Variants in PCDHGA10 observed in about 807,000 individuals in gnomAD.
PCDHGA10 encodes the protein protocadherin gamma subfamily A, 10.
PCDHGA10 carries 42 observed loss-of-function variants against 59.5 expected under a neutral mutation model. The ratio of observed to expected loss-of-function variants is 0.71; its 90% CI spans 0.55 to 0.91. The LOEUF (loss-of-function observed/expected upper bound fraction) is 0.91, where lower values mean the gene tolerates loss of function less well. Ranked by LOEUF, PCDHGA10 falls within the 40% of genes least tolerant of loss-of-function variation. PCDHGA10 has a pLI of 0.00. For missense variants in PCDHGA10, 1,111 were observed against 1,198.2 expected (o/e 0.93, Z 1.07); for synonymous variants, 511 against 517.2 (o/e 0.99, Z 0.16).
chr5:141,486,089 G>T lies in PCDHGA10; in HGVS notation c.2437-8718G>T, dbSNP rs2099624123. On this transcript the variant is annotated intron_variant, in intron 1 of 3. Coordinates refer to ENST00000398610, the MANE Select transcript of PCDHGA10 (RefSeq NM_018913.3). The surrounding 1 kb of genome is among the most constrained non-coding windows in gnomAD (Gnocchi z 5.0). ...CACTACTGGAAAGCTTACTCTTTTG[G>T]GGCCCCTAGACTTTGAGAGTGAGAA... is the stretch of plus-strand genomic sequence containing the variant. 1 of 1,614,084 alleles carries T rather than the reference G, an allele frequency of 6.2e-7. No individual in the cohort carries two copies. The highest frequency in any genetic ancestry group is 8.5e-7 in the Non-Finnish European group (1 of 1,180,014).
intron 1 of PCDHGA10, among the ~76,000 whole-genome samples, chr5:141,470,537 A>G (rs189730495): frequency 1.3e-5 from 2 of 152,256 alleles, no homozygotes; most frequent in Non-Finnish European, 2.9e-5. Context: ...TGTATCAGGT[A>G]ATATTTATTG....
In PCDHGA10 at chr5:141,454,796, ATTTTT is replaced by A. The variant is rs61612330; in HGVS notation, c.2436+39210_2436+39214del. Among the ~76,000 whole-genome samples the A allele has an allele frequency of 4.9e-3, 378 of 77,354 alleles. 2 individuals carry two copies. Among genetic ancestry groups the A allele is most frequent in the Admixed American group, 9.2e-3 (51 of 5,544 alleles). 50.7% of individuals were successfully genotyped at this position (77,354 alleles called of 152,430 possible). On this transcript the variant is annotated intron_variant, in intron 1 of 3. Coordinates refer to ENST00000398610, the MANE Select transcript of PCDHGA10 (RefSeq NM_018913.3). ...AAGGAAATAATCCTCCATGGTTCTA[ATTTTT>A]TTTTTTTTTTTTTTTTTTTTTTTTG...
chr5:141,482,071 A>G (rs2099551527), intron 1 of PCDHGA10, among the ~76,000 whole-genome samples: 1 of 145,394 alleles, frequency 6.9e-6, no homozygotes, highest in Non-Finnish European at 1.5e-5. Flanking sequence ...GGCAACAAGA[A>G]CAAAACTCAC....
intron 2 of PCDHGA10, among the ~76,000 whole-genome samples, chr5:141,498,847 C>T (rs932801278): frequency 1.3e-5 from 2 of 151,856 alleles, no homozygotes; most frequent in Admixed American, 1.3e-4. Flanking sequence ...GCAGGGGAAT[C>T]GCTTGAACCC....
intron 1 of PCDHGA10, chr5:141,478,144 G>A (rs2099432883): frequency 6.2e-7 from 1 of 1,613,918 alleles, no homozygotes; most frequent in Non-Finnish European, 8.5e-7. Flanking sequence ...CCCGAGCCGA[G>A]TTCCCCTCTG....
intron 3 of PCDHGA10, among the ~76,000 whole-genome samples, chr5:141,510,518 GC>G (rs2099881500): frequency 6.6e-6 from 1 of 152,112 alleles, no homozygotes; most frequent in Non-Finnish European, 1.5e-5. Context: ...CCGTGTCACA[GC>G]CCTGAGAGAA....
At position 141,476,015 on chromosome 5, in the gene PCDHGA10, C is replaced by A; in HGVS notation, c.2437-18792C>A. The A allele has an allele frequency of 7.4e-7, 1 of 1,344,728 alleles. No individual in the cohort carries two copies. The highest frequency in any genetic ancestry group is 1.0e-6 in the Non-Finnish European group (1 of 992,700). The allele number at this position is 1,344,728 out of a possible 1,614,324, so 83.3% of individuals were successfully genotyped here. A position where few individuals can be genotyped will look rare whatever the true frequency, so the allele number is the denominator to read the frequency against. ...ATCAACGGCATCCAGAAAGCCATGT[C>A]GGACTCGGCGCCCAGCGCCCAAGCG... On this transcript the variant is annotated intron_variant, in intron 1 of 3. Coordinates refer to ENST00000398610, the MANE Select transcript of PCDHGA10 (RefSeq NM_018913.3). This position sits in a 1 kb window ranked among gnomAD's most constrained non-coding sequence, Gnocchi z 7.6.
In PCDHGA10 at chr5:141,476,141, G is replaced by A. The variant is rs1011341002; in HGVS notation, c.2437-18666G>A. On this transcript the variant is annotated intron_variant, in intron 1 of 3. Coordinates refer to ENST00000398610, the MANE Select transcript of PCDHGA10 (RefSeq NM_018913.3). This position sits in a 1 kb window ranked among gnomAD's most constrained non-coding sequence, Gnocchi z 7.6. ...GATGGTCCCAGAGGCCTGGAGGAGCGGACTGGTAAGCACCGGGAGGGTAGT... is the reference window on the plus strand; with the variant it reads ...GATGGTCCCAGAGGCCTGGAGGAGCAGACTGGTAAGCACCGGGAGGGTAGT... 5.6e-6 allele frequency: 9 copies of A among 1,609,928 alleles called. No homozygotes were observed. Among genetic ancestry groups the A allele is most frequent in the Non-Finnish European group, 7.6e-6 (9 of 1,178,880 alleles).
At position 141,477,210 on chromosome 5, in the gene PCDHGA10, C is replaced by A. The variant is rs780852225; in HGVS notation, c.2437-17597C>A. On this transcript the variant is annotated intron_variant, in intron 1 of 3. Transcript: ENST00000398610. This position sits in a 1 kb window ranked among gnomAD's most constrained non-coding sequence, Gnocchi z 4.9. ...GTGTACAGCCCAGTACCCGAGGATG[C>A]CCCTCTGGGGACTGTCATCGCTTTG... The A allele has an allele frequency of 6.2e-7, 1 of 1,614,142 alleles. No homozygotes were observed. The highest frequency in any genetic ancestry group is 8.5e-7 in the Non-Finnish European group (1 of 1,180,030).
chr5:141,413,012 A>T lies in PCDHGA10; in HGVS notation c.-164A>T. The T allele has an allele frequency of 1.5e-6, 1 of 657,714 alleles. No individual in the cohort carries two copies. The highest frequency in any genetic ancestry group is 2.5e-6 in the Non-Finnish European group (1 of 403,464). The allele number at this position is 657,714 out of a possible 1,614,324, so 40.7% of individuals were successfully genotyped here. On this transcript the variant is annotated 5_prime_UTR_variant, in exon 1 of 4. Transcript: ENST00000398610. The stretch of plus-strand genomic sequence containing the variant: ...AATCCGGATTCTCAGGGCTTCAACT[A>T]CACAAGCCCCACAAACCGGCTGCTG...
Position 141,490,909 on chromosome 5 carries a change from G to T in PCDHGA10, c.2437-3898G>T. 4 of 1,613,744 alleles carry T rather than the reference G, an allele frequency of 2.5e-6. No individual in the cohort carries two copies. Among genetic ancestry groups the T allele is most frequent in the Non-Finnish European group, 3.4e-6 (4 of 1,179,762 alleles). ...ATCTCTGCATGTGTTTGTCCTAGAC[G>T]AGAATGATAATGCCCCAGCTGTGCT... On this transcript the variant is annotated intron_variant, in intron 1 of 3. Transcript: ENST00000398610. The surrounding 1 kb of genome is among the most constrained non-coding windows in gnomAD (Gnocchi z 5.4).
intron 1 of PCDHGA10, among the ~76,000 whole-genome samples, chr5:141,424,839 A>G (rs1264853498): frequency 6.6e-6 from 1 of 152,198 alleles, no homozygotes; most frequent in Non-Finnish European, 1.5e-5. Context: ...CATACATGTT[A>G]TCTGAAGCAA....
At chr5:141,509,953 G>A (rs987910496) in intron 3 of PCDHGA10, among the ~76,000 whole-genome samples, 4 of 152,282 alleles carry the variant, frequency 2.6e-5, no homozygotes, top group Non-Finnish European at 4.4e-5. Context: ...AAATGCTACC[G>A]GGTATGGCCT....
At position 141,465,659 on chromosome 5, in the gene PCDHGA10, T is replaced by C. The variant is rs184749770; in HGVS notation, c.2437-29148T>C. Among the ~76,000 whole-genome samples the C allele has an allele frequency of 3.5e-4, 53 of 152,318 alleles. 1 individual carries two copies. Among genetic ancestry groups the C allele is most frequent in the African/African-American group, 1.2e-3 (50 of 41,576 alleles). ...TGCTTTGAACATCCCAAAAAAGCGC[T>C]TGCCATGACATTTGCTCTTGACCAG... On this transcript the variant is annotated intron_variant, in intron 1 of 3. Transcript: ENST00000398610.
intron 1 of PCDHGA10, chr5:141,427,786 C>G: frequency 1.4e-6 from 2 of 1,477,082 alleles, no homozygotes; most frequent in Non-Finnish European, 1.9e-6. Flanking sequence ...GCACTGTCGT[C>G]CTACGTGTCC....
At chr5:141,422,040 C>T (rs1045003805) in intron 1 of PCDHGA10, 10 of 1,611,324 alleles carry the variant, frequency 6.2e-6, no homozygotes, top group African/African-American at 4.0e-5. Context: ...CGGATCCAGA[C>T]GAGGGAATCA....
Position 141,490,732 on chromosome 5 carries a change from G to T in PCDHGA10, c.2437-4075G>T, listed in dbSNP as rs775388969. 4 of 1,614,188 alleles carry T rather than the reference G, an allele frequency of 2.5e-6. No individual in the cohort carries two copies. Among genetic ancestry groups the T allele is most frequent in the Non-Finnish European group, 3.4e-6 (4 of 1,180,042 alleles). ...CACCTACTCCATTGTAGGAAATCAGGTTCAGGGAGCCCCAGCCTCCTCCTT... is the reference window on the plus strand; with the variant it reads ...CACCTACTCCATTGTAGGAAATCAGTTTCAGGGAGCCCCAGCCTCCTCCTT... On this transcript the variant is annotated intron_variant, in intron 1 of 3. Transcript: ENST00000398610. The surrounding 1 kb of genome is among the most constrained non-coding windows in gnomAD (Gnocchi z 5.4).
At chr5:141,481,919 A>C (rs1488201177) in intron 1 of PCDHGA10, among the ~76,000 whole-genome samples, 1 of 151,214 alleles carries the variant, frequency 6.6e-6, no homozygotes, top group Non-Finnish European at 1.5e-5. Context: ...ATCTCAAAAA[A>C]AAAAAAAAAA....
In PCDHGA10 at chr5:141,476,650, A is replaced by G. The variant is rs2099395609; in HGVS notation, c.2437-18157A>G. 6.2e-7 allele frequency: 1 copy of G among 1,614,126 alleles called. No individual in the cohort carries two copies. The highest frequency in any genetic ancestry group is 1.3e-5 in the African/African-American group (1 of 74,952). On this transcript the variant is annotated intron_variant, in intron 1 of 3. Transcript: ENST00000398610. This position sits in a 1 kb window ranked among gnomAD's most constrained non-coding sequence, Gnocchi z 7.6. Reference sequence around the variant, plus strand: ...AAACCTATGAGCTGAGCCGAAATGAATACTTTGCGCTTCGCGTGCAGACGC... The same window carrying G: ...AAACCTATGAGCTGAGCCGAAATGAGTACTTTGCGCTTCGCGTGCAGACGC...
Sources: allele counts gnomAD v4.1 joint callset (sites outside exome capture counted in the v4.1 genomes callset), GRCh38; gene constraint gnomAD v4.1.1; non-coding constraint Gnocchi (gnomAD v3.1); transcripts MANE v1.5; gene names NCBI Gene and HGNC (gene_info 2026-07-23, HGNC 2026-07-21).